The following CYP7B1 variants were observed in gnomAD, a reference collection of about 807,000 sequenced individuals.
The protein encoded by CYP7B1 is cytochrome P450 7B1.
Under a neutral mutation model 42.7 loss-of-function variants are expected in CYP7B1, and 29 were observed. The ratio of observed to expected loss-of-function variants is 0.68; its 90% confidence interval spans 0.51 to 0.93. The LOEUF is 0.93. Among genes scored for constraint, CYP7B1 ranks in the 40% least tolerant of loss-of-function variants. The probability of loss-of-function intolerance (pLI) is 0.00; values close to 1 mark genes in which losing one functional copy is unlikely to be tolerated. For missense variants in CYP7B1, 655 were observed against 600.5 expected (o/e 1.09, Z -0.95); for synonymous variants, 235 against 218.2 (o/e 1.08, Z -0.68).
intron 1 of CYP7B1, among the ~76,000 whole-genome samples, chr8:64,761,051 T>A (rs1017877715): frequency 6.6e-6 from 1 of 152,092 alleles, no homozygotes; most frequent in Non-Finnish European, 1.5e-5. Context: ...ATGAATGAAC[T>A]TGGAGGACAT....
chr8:64,774,762 G>A (rs1298454077), intron 1 of CYP7B1, among the ~76,000 whole-genome samples: 2 of 152,104 alleles, frequency 1.3e-5, no homozygotes, highest in South Asian at 2.1e-4. Flanking sequence ...TTACTGAATA[G>A]TGCATATCTG....
chr8:64,601,501 C>A (rs1425302007), intron 5 of CYP7B1, among the ~76,000 whole-genome samples: 1 of 152,120 alleles, frequency 6.6e-6, no homozygotes, highest in Non-Finnish European at 1.5e-5. Context: ...AGCTCCGGTT[C>A]TGTATCTTGC....
chr8:64,644,611 G>C (rs569757326), intron 1 of CYP7B1, among the ~76,000 whole-genome samples: 3 of 152,114 alleles, frequency 2.0e-5, no homozygotes, highest in Non-Finnish European at 4.4e-5. Context: ...TTGTCAATAA[G>C]CAGTAATAGT....
chr8:64,597,172 T>C (rs186235399), intron 5 of CYP7B1, among the ~76,000 whole-genome samples: 2 of 152,342 alleles, frequency 1.3e-5, no homozygotes, highest in African/African-American at 2.4e-5. Flanking sequence ...TCTCCACTTG[T>C]ATTTTTCTCC....
intron 1 of CYP7B1, among the ~76,000 whole-genome samples, chr8:64,712,893 A>G (rs997642068): frequency 1.3e-5 from 2 of 152,092 alleles, no homozygotes; most frequent in South Asian, 2.1e-4. Context: ...TTGAATATCC[A>G]TATATACACA....
intron 1 of CYP7B1, among the ~76,000 whole-genome samples, chr8:64,726,966 C>T (rs1014630543): frequency 1.3e-5 from 2 of 152,176 alleles, no homozygotes; most frequent in African/African-American, 4.8e-5. Context: ...TGATCCTTTG[C>T]ACACCCTGAG....
rs755430559 is a variant in CYP7B1, at chr8:64,731,714, A to C, written c.122+66752T>G. On this transcript the variant is annotated intron_variant, in intron 1 of 5. Transcript: ENST00000310193. ...CAGCAGCCCCTCTCATCATAGGCCCAGAGGCCTAGGAGGAAAAAATGGTTT... is the reference window on the plus strand; with the variant it reads ...CAGCAGCCCCTCTCATCATAGGCCCCGAGGCCTAGGAGGAAAAAATGGTTT... 1.4e-4 allele frequency among the ~76,000 whole-genome samples: 22 copies of C among 152,358 alleles called. 1 individual carries two copies. The Middle Eastern group carries it at 0.017, about 118-fold the overall frequency.
intron 1 of CYP7B1, among the ~76,000 whole-genome samples, chr8:64,638,818 T>C (rs1457740840): frequency 2.0e-5 from 3 of 151,910 alleles, no homozygotes; most frequent in Non-Finnish European, 2.9e-5. Context: ...ATATGCTACT[T>C]TTGTGTATGT....
chr8:64,667,184 C>T (rs954668396), intron 1 of CYP7B1, among the ~76,000 whole-genome samples: 10 of 152,190 alleles, frequency 6.6e-5, no homozygotes, highest in African/African-American at 2.4e-4. Flanking sequence ...GAAACCCCAC[C>T]CTGTCGAAAT....
chr8:64,729,632 A>AT (rs1807379335), intron 1 of CYP7B1, among the ~76,000 whole-genome samples: 1 of 152,306 alleles, frequency 6.6e-6, no homozygotes, highest in South Asian at 2.1e-4. Flanking sequence ...TAAGCGTGAG[A>AT]TTTTTTCCCT....
At chr8:64,643,361 A>T (rs1805897330) in intron 1 of CYP7B1, among the ~76,000 whole-genome samples, 1 of 152,114 alleles carries the variant, frequency 6.6e-6, no homozygotes, top group African/African-American at 2.4e-5. Context: ...TTTACACTCT[A>T]GTCCATTAAG....
intron 1 of CYP7B1, among the ~76,000 whole-genome samples, chr8:64,752,483 C>T (rs939693678): frequency 2.6e-5 from 4 of 151,690 alleles, no homozygotes; most frequent in Admixed American, 2.0e-4. Context: ...AGCTGCTCTC[C>T]GATGTATCTC....
rs1032359654 is a variant in CYP7B1, at chr8:64,794,090, C to A, written c.122+4376G>T. ...TGAGGTCCAGGGGTGGACAGGATTG[C>A]CCCTGAGGGCAGCTGGAACTCAAGG... On this transcript the variant is annotated intron_variant, in intron 1 of 5. Coordinates refer to ENST00000310193, the MANE Select transcript of CYP7B1 (RefSeq NM_004820.5). Among the ~76,000 whole-genome samples the A allele has an allele frequency of 5.3e-4, 81 of 152,142 alleles. 4 individuals are homozygous for A. The highest frequency in any genetic ancestry group is 2.9e-5 in the Non-Finnish European group (2 of 68,024).
chr8:64,630,834 T>C (rs1329999590), intron 1 of CYP7B1, among the ~76,000 whole-genome samples: 1 of 152,154 alleles, frequency 6.6e-6, no homozygotes, highest in African/African-American at 2.4e-5. Flanking sequence ...GATAATGAGA[T>C]TGTTCTATAG....
intron 1 of CYP7B1, among the ~76,000 whole-genome samples, chr8:64,785,304 T>C (rs758424668): frequency 6.6e-6 from 1 of 152,180 alleles, no homozygotes; most frequent in Non-Finnish European, 1.5e-5. Context: ...TGACAGTACT[T>C]TTACAAAACT....
At chr8:64,621,835 A>C (rs1805535027) in intron 2 of CYP7B1, among the ~76,000 whole-genome samples, 1 of 151,260 alleles carries the variant, frequency 6.6e-6, no homozygotes, top group Non-Finnish European at 1.5e-5. Flanking sequence ...TCCCGGGTTC[A>C]AGCGATTCTC....
In CYP7B1 at chr8:64,785,523, A is replaced by ATAAT. The variant is rs1585913798; in HGVS notation, c.122+12942_122+12943insATTA. Among the ~76,000 whole-genome samples, 6 of 152,344 alleles carry ATAAT rather than the reference A, an allele frequency of 3.9e-5. No homozygotes were observed. In the East Asian group the frequency reaches 1.2e-3, roughly 29 times the overall value. On this transcript the variant is annotated intron_variant, in intron 1 of 5. Transcript: ENST00000310193. ...CTATGTAATTTAGAATAATTGAGTGATTAAAAAGAAGAGCTATCAAGCCTT... is the reference window on the plus strand; with the variant it reads ...CTATGTAATTTAGAATAATTGAGTGATAATTTAAAAAGAAGAGCTATCAAGCCTT...
At chr8:64,684,985 T>C (rs1337997106) in intron 1 of CYP7B1, among the ~76,000 whole-genome samples, 2 of 152,146 alleles carry the variant, frequency 1.3e-5, no homozygotes, top group African/African-American at 2.4e-5. Flanking sequence ...GAATGTAAAA[T>C]GGAGCAGGCA....
intron 1 of CYP7B1, among the ~76,000 whole-genome samples, chr8:64,657,773 T>C (rs1035653515): frequency 6.6e-6 from 1 of 152,196 alleles, no homozygotes; most frequent in African/African-American, 2.4e-5. Flanking sequence ...TTCCTACTAG[T>C]ATATACAGGC....
Sources: gnomAD v4.1 joint callset for allele counts (sites outside exome capture counted in the v4.1 genomes callset) on GRCh38, gnomAD v4.1.1 for gene constraint, MANE v1.5 for transcripts, NCBI Gene and HGNC (gene_info 2026-07-23, HGNC 2026-07-21) for gene names.